Variants in B3GALT1 observed in about 807,000 individuals in gnomAD.
The protein encoded by B3GALT1 is beta-1,3-galactosyltransferase 1.
Under a neutral mutation model 23.2 loss-of-function variants are expected in B3GALT1, and 10 were observed. The ratio of observed to expected loss-of-function variants is 0.43; its 90% CI spans 0.27 to 0.73. The LOEUF is 0.73. Among genes scored for constraint, B3GALT1 ranks in the 30% least tolerant of loss-of-function variants. The probability of loss-of-function intolerance (pLI) is 0.21; values close to 1 mark genes in which losing one functional copy is unlikely to be tolerated. For synonymous variants in B3GALT1, 156 were observed against 141.5 expected (o/e 1.10, Z -0.73); for missense variants, 299 against 405.4 (o/e 0.74, Z 2.25).
chr2:167,484,168 T>A (rs1699594860), intron 1 of B3GALT1, among the ~76,000 whole-genome samples: 1 of 152,188 alleles, frequency 6.6e-6, no homozygotes, highest in South Asian at 2.1e-4. Context: ...CGCCTAAGGA[T>A]AGATAATTAC....
At chr2:167,837,236 T>C (rs891168265) in intron 4 of B3GALT1, among the ~76,000 whole-genome samples, 8 of 151,952 alleles carry the variant, frequency 5.3e-5, no homozygotes, top group Non-Finnish European at 1.0e-4. Flanking sequence ...GACTGGAAAA[T>C]TGGATAAAGA....
rs1470957379 is a variant in B3GALT1, at chr2:167,872,478, G to A, written c.*2458G>A. 1.3e-5 allele frequency: 2 copies of A among 152,216 alleles called. No homozygotes were observed. The highest frequency in any genetic ancestry group is 4.8e-5 in the African/African-American group (2 of 41,454). The allele number at this position is 152,216 out of a possible 1,614,324, so 9.4% of individuals were successfully genotyped here. ...AAGGTGAACCACCCTCCAACCTGCA[G>A]CCTCAACTGCTGTGAGTTCCAATCA... On this transcript the variant is annotated 3_prime_UTR_variant, in exon 5 of 5. Transcript: ENST00000392690.
At chr2:167,300,390 T>C (rs2105479155) in intron 1 of B3GALT1, among the ~76,000 whole-genome samples, 1 of 152,334 alleles carries the variant, frequency 6.6e-6, no homozygotes, top group African/African-American at 2.4e-5. Flanking sequence ...TATATTCACA[T>C]ATATACATAC....
chr2:167,842,415 T>C (rs570461104), intron 4 of B3GALT1, among the ~76,000 whole-genome samples: 1 of 152,334 alleles, frequency 6.6e-6, no homozygotes, highest in South Asian at 2.1e-4. Context: ...GTAGAATGTA[T>C]ACTGAAATAA....
In B3GALT1 at chr2:167,871,323, C is replaced by A. The variant is rs114835036; in HGVS notation, c.*1303C>A. 1 of 152,158 alleles carries A rather than the reference C, an allele frequency of 6.6e-6. No individual in the cohort carries two copies. The highest frequency in any genetic ancestry group is 1.5e-5 in the Non-Finnish European group (1 of 68,032). The allele number at this position is 152,158 out of a possible 1,614,324, so 9.4% of individuals were successfully genotyped here. On this transcript the variant is annotated 3_prime_UTR_variant, in exon 5 of 5. Transcript: ENST00000392690. ...GAGATCCTTAGCTTAAAAGGTGCTA[C>A]GTAATGCAATGTATCATGTATTATG...
At chr2:167,294,809 A>C (rs1471614525) in intron 1 of B3GALT1, among the ~76,000 whole-genome samples, 1 of 152,168 alleles carries the variant, frequency 6.6e-6, no homozygotes, top group African/African-American at 2.4e-5. Context: ...TTTTCTTGTT[A>C]TGTAGCTCCG....
intron 3 of B3GALT1, among the ~76,000 whole-genome samples, chr2:167,726,361 A>C (rs1687315782): frequency 6.6e-6 from 1 of 152,152 alleles, no homozygotes; most frequent in Non-Finnish European, 1.5e-5. Context: ...CATCTTTGCC[A>C]GGAATCCGCC....
chr2:167,623,053 T>A (rs1475178705), intron 2 of B3GALT1, among the ~76,000 whole-genome samples: 2 of 152,106 alleles, frequency 1.3e-5, no homozygotes, highest in African/African-American at 4.8e-5. Flanking sequence ...CATAGTCATG[T>A]CAAAGCCACA....
chr2:167,321,716 A>G (rs1696815318), intron 1 of B3GALT1, among the ~76,000 whole-genome samples: 1 of 152,044 alleles, frequency 6.6e-6, no homozygotes. Context: ...GTGCATTTAA[A>G]AGATTTACTT....
At position 167,786,583 on chromosome 2, in the gene B3GALT1, A is replaced by G. The variant is rs11897135; in HGVS notation, c.-351-32089A>G. 6.1e-3 allele frequency among the ~76,000 whole-genome samples: 933 copies of G among 152,360 alleles called. 10 individuals are homozygous for G. The highest frequency in any genetic ancestry group is 0.021 in the African/African-American group (884 of 41,578). ...ATAGTTACGAGACAGGCTGTAATCA[A>G]TATAACCCACTGTATCTTTATTCCT... On this transcript the variant is annotated intron_variant, in intron 3 of 4. Coordinates refer to ENST00000392690, the MANE Select transcript of B3GALT1 (RefSeq NM_020981.4).
intron 1 of B3GALT1, among the ~76,000 whole-genome samples, chr2:167,373,098 G>T (rs185778541): frequency 4.6e-5 from 7 of 151,994 alleles, no homozygotes; most frequent in African/African-American, 1.4e-4. Flanking sequence ...TTTACATAAG[G>T]TTCTAAGATA....
intron 1 of B3GALT1, among the ~76,000 whole-genome samples, chr2:167,351,439 C>T (rs1183745445): frequency 6.6e-6 from 1 of 152,082 alleles, no homozygotes; most frequent in Non-Finnish European, 1.5e-5. Flanking sequence ...ATAAAGTATA[C>T]CTCCTGACAA....
intron 2 of B3GALT1, among the ~76,000 whole-genome samples, chr2:167,590,134 C>G (rs1024144974): frequency 2.0e-5 from 3 of 152,026 alleles, no homozygotes; most frequent in African/African-American, 7.2e-5. Context: ...ATCACGAGGT[C>G]AGGAGATCGA....
chr2:167,806,345 A>G (rs983710083), intron 3 of B3GALT1, among the ~76,000 whole-genome samples: 6 of 152,290 alleles, frequency 3.9e-5, no homozygotes, highest in South Asian at 4.1e-4. Context: ...GATTGCCCTG[A>G]CCAGAACTTC....
intron 1 of B3GALT1, among the ~76,000 whole-genome samples, chr2:167,351,809 A>C (rs557839142): frequency 9.9e-4 from 151 of 152,334 alleles, no homozygotes; most frequent in South Asian, 3.5e-3. Context: ...TTTACTAACA[A>C]GGATACAAAG....
chr2:167,671,010 G>C (rs1283136453), intron 3 of B3GALT1, among the ~76,000 whole-genome samples: 5 of 152,046 alleles, frequency 3.3e-5, no homozygotes, highest in Non-Finnish European at 7.4e-5. Context: ...CCATGCAAAT[G>C]ACACCCAAAA....
intron 3 of B3GALT1, among the ~76,000 whole-genome samples, chr2:167,790,439 T>G (rs967265834): frequency 5.3e-5 from 8 of 152,196 alleles, no homozygotes; most frequent in Non-Finnish European, 8.8e-5. Flanking sequence ...GGCCACAGTT[T>G]CCTATTCTTC....
chr2:167,416,247 A>G (rs1433713631), intron 1 of B3GALT1, among the ~76,000 whole-genome samples: 2 of 152,162 alleles, frequency 1.3e-5, no homozygotes, highest in East Asian at 1.9e-4. Flanking sequence ...CCTGCTGCCC[A>G]GGGTTACCTC....
At chr2:167,814,521 G>A (rs925206358) in intron 3 of B3GALT1, among the ~76,000 whole-genome samples, 3 of 152,094 alleles carry the variant, frequency 2.0e-5, no homozygotes, top group Non-Finnish European at 4.4e-5. Flanking sequence ...CAGCACTTTC[G>A]GAGGCTGAGG....
Sources: allele counts gnomAD v4.1 joint callset (sites outside exome capture counted in the v4.1 genomes callset), GRCh38; gene constraint gnomAD v4.1.1; transcripts MANE v1.5; gene names NCBI Gene and HGNC (gene_info 2026-07-23, HGNC 2026-07-21).